SYT16: variants seen among roughly 807,000 people sequenced by gnomAD.
SYT16 encodes the protein synaptotagmin-16.
Under a neutral mutation model 61.4 loss-of-function variants are expected in SYT16, and 42 were observed. The observed-to-expected ratio is 0.68, with a 90% confidence interval of 0.53 to 0.89. SYT16 has a LOEUF of 0.89. Ranked by LOEUF, SYT16 falls within the 40% of genes least tolerant of loss-of-function variation. The pLI, the probability that SYT16 is intolerant of heterozygous loss-of-function variation, is 0.00. For missense variants in SYT16, 804 were observed against 807.3 expected, an observed-to-expected ratio of 1.00 and a Z score of 0.05; for synonymous variants, 314 against 302.3, an observed-to-expected ratio of 1.04 and a Z score of -0.40.
intron 1 of SYT16, among the ~76,000 whole-genome samples, chr14:61,847,386 C>T (rs560377060): frequency 3.7e-4 from 57 of 152,294 alleles, no homozygotes; most frequent in Non-Finnish European, 6.5e-4. Flanking sequence ...TCTCTCCTGA[C>T]CTGTATGGTT....
chr14:62,018,298 CTTTTTTTTT>C (rs776473522), intron 3 of SYT16, among the ~76,000 whole-genome samples: 13 of 51,642 alleles, frequency 2.5e-4, no homozygotes, highest in East Asian at 5.6e-4. Flanking sequence ...TCTTCTTCTT[CTTTTTTTTT>C]TTTTTTTTTT....
intron 1 of SYT16, among the ~76,000 whole-genome samples, chr14:61,885,822 A>C (rs769721710): frequency 7.9e-5 from 12 of 152,172 alleles, no homozygotes; most frequent in Non-Finnish European, 2.9e-5. Flanking sequence ...CCTTAATAAA[A>C]AATATTTTAT....
chr14:62,110,215 C>T lies in SYT16; in HGVS notation c.*9508C>T, dbSNP rs2057583580. ...GCCTGTGTTCTGATATCAAATCTTC[C>T]ACTAATGAGCTCTAAAATGAATATC... is the stretch of plus-strand genomic sequence containing the variant. On this transcript the variant is annotated 3_prime_UTR_variant, in exon 8 of 8. Coordinates refer to ENST00000683842, the MANE Select transcript of SYT16 (RefSeq NM_001367656.1). 6.6e-6 allele frequency: 1 copy of T among 152,082 alleles called. No homozygotes were observed. Among genetic ancestry groups the T allele is most frequent in the South Asian group, 2.1e-4 (1 of 4,834 alleles). The allele number at this position is 152,082 out of a possible 1,614,324, so 9.4% of individuals were successfully genotyped here.
At chr14:61,858,947 T>TGC (rs1566631840) in intron 1 of SYT16, among the ~76,000 whole-genome samples, 5 of 151,306 alleles carry the variant, frequency 3.3e-5, no homozygotes, top group African/African-American at 9.7e-5. Context: ...CTCCGCCTCC[T>TGC]GGGTTCACGC....
chr14:62,011,661 T>C (rs2053454415), intron 3 of SYT16, among the ~76,000 whole-genome samples: 1 of 151,962 alleles, frequency 6.6e-6, no homozygotes, highest in Non-Finnish European at 1.5e-5. Context: ...AGATGATGGG[T>C]GTCAAAAAAC....
intron 1 of SYT16, among the ~76,000 whole-genome samples, chr14:61,933,504 C>G (rs971273597): frequency 4.6e-5 from 7 of 152,184 alleles, no homozygotes; most frequent in South Asian, 2.1e-4. Flanking sequence ...AAGAGCTGTT[C>G]TAATCAATCC....
chr14:61,829,815 C>T (rs1237876216), intron 1 of SYT16, among the ~76,000 whole-genome samples: 1 of 152,084 alleles, frequency 6.6e-6, no homozygotes, highest in Non-Finnish European at 1.5e-5. Flanking sequence ...CCACCACGCC[C>T]AGCTAATTTT....
chr14:62,091,006 G>T (rs1190375992), intron 7 of SYT16, among the ~76,000 whole-genome samples: 1 of 152,124 alleles, frequency 6.6e-6, no homozygotes, highest in East Asian at 1.9e-4. Flanking sequence ...ACCTCCCACC[G>T]GGTCCCTCCC....
At chr14:61,837,492 G>A (rs2140246333) in intron 1 of SYT16, among the ~76,000 whole-genome samples, 1 of 152,258 alleles carries the variant, frequency 6.6e-6, no homozygotes, top group East Asian at 1.9e-4. Flanking sequence ...TCCCACCTCA[G>A]CCTCCCGAGT....
At chr14:61,854,749 T>C (rs1440293012) in intron 1 of SYT16, among the ~76,000 whole-genome samples, 7 of 152,252 alleles carry the variant, frequency 4.6e-5, no homozygotes, top group Non-Finnish European at 8.8e-5. Flanking sequence ...CTATCTTGTG[T>C]ATATATGTGT....
chr14:61,941,565 T>C (rs966825939), intron 1 of SYT16, among the ~76,000 whole-genome samples: 8 of 152,194 alleles, frequency 5.3e-5, no homozygotes, highest in African/African-American at 1.7e-4. Flanking sequence ...CTCCATGAGA[T>C]AAAGCCTTCT....
intron 3 of SYT16, among the ~76,000 whole-genome samples, chr14:62,037,966 C>T (rs1419145308): frequency 6.6e-6 from 1 of 152,170 alleles, no homozygotes; most frequent in African/African-American, 2.4e-5. Context: ...TGTACATCTG[C>T]ATCAGGCTTG....
intron 1 of SYT16, among the ~76,000 whole-genome samples, chr14:61,815,505 T>C (rs914604010): frequency 6.6e-6 from 1 of 152,230 alleles, no homozygotes; most frequent in African/African-American, 2.4e-5. Flanking sequence ...CAGAAAGACC[T>C]TCTATATGAA....
chr14:61,891,022 G>A (rs1032293312), intron 1 of SYT16, among the ~76,000 whole-genome samples: 2 of 152,174 alleles, frequency 1.3e-5, no homozygotes, highest in African/African-American at 4.8e-5. Context: ...CAAGAAAGGA[G>A]GTGACGTTTG....
chr14:61,884,074 C>A (rs1378353190), intron 1 of SYT16, among the ~76,000 whole-genome samples: 1 of 152,172 alleles, frequency 6.6e-6, no homozygotes, highest in African/African-American at 2.4e-5. Context: ...CACAGGCAAA[C>A]CATATCAGCA....
In SYT16 at chr14:62,081,227, G is replaced by A. The variant is rs749657313; in HGVS notation, c.1387G>A (p.Gly463Arg). The A allele has an allele frequency of 5.6e-6, 9 of 1,613,844 alleles. No individual in the cohort carries two copies. The highest frequency in any genetic ancestry group is 1.6e-4 in the Middle Eastern group (1 of 6,084). The part of the protein sequence containing the change: ...LFYLSHLHPE[G>R]EMKVTLVLEP... Reference sequence around the variant, plus strand: ...CTATCTCAGCCACCTGCACCCAGAAGGGGAAATGAAAGTGACTCTGGTTCT... The same window carrying A: ...CTATCTCAGCCACCTGCACCCAGAAAGGGAAATGAAAGTGACTCTGGTTCT... Residue 463 changes from glycine (G) to arginine (R), a missense_variant, in exon 6 of 8, where the codon GGG (glycine) becomes AGG (arginine). Transcript: ENST00000683842.
At chr14:62,043,109 T>A (rs1161840535) in intron 3 of SYT16, among the ~76,000 whole-genome samples, 1 of 151,798 alleles carries the variant, frequency 6.6e-6, no homozygotes, top group Non-Finnish European at 1.5e-5. Context: ...CTTTTTTTTT[T>A]TTTTTTACAT....
At position 61,996,141 on chromosome 14, in the gene SYT16, A is replaced by T. The variant is rs1372987749; in HGVS notation, c.122A>T (p.Asn41Ile). The change falls in exon 3 of 8, where the codon AAC becomes ATC. Residue 41 changes from asparagine (N) to isoleucine (I), a missense_variant. By Grantham distance (149) the Asn-to-Ile change is moderately radical. Coordinates refer to ENST00000683842, the MANE Select transcript of SYT16 (RefSeq NM_001367656.1). Reference protein sequence around the residue: ...AGDMLSASLVNISKQDSKLSD... With the variant: ...AGDMLSASLVIISKQDSKLSD... ...GATATGTTATCTGCTTCGCTGGTTA[A>T]CATAAGCAAACAAGACTCTAAATTG... 1 of 1,613,410 alleles carries T rather than the reference A, an allele frequency of 6.2e-7. No individual in the cohort carries two copies. Among genetic ancestry groups the T allele is most frequent in the South Asian group, 1.1e-5 (1 of 91,060 alleles).
chr14:62,073,857 C>T (rs752191633), intron 4 of SYT16, among the ~76,000 whole-genome samples: 6 of 152,154 alleles, frequency 3.9e-5, no homozygotes, highest in East Asian at 3.8e-4. Context: ...TAAGTGATAA[C>T]GCATTGGCAG....
Sources: gnomAD v4.1 joint callset for allele counts (sites outside exome capture counted in the v4.1 genomes callset) on GRCh38, gnomAD v4.1.1 for gene constraint, MANE v1.5 for transcripts, NCBI Gene and HGNC (gene_info 2026-07-23, HGNC 2026-07-21) for gene names.